Variants in PTPRM observed in about 807,000 individuals in gnomAD.
PTPRM encodes the protein receptor-type tyrosine-protein phosphatase mu.
PTPRM carries 47 observed loss-of-function variants against 186.7 expected under a neutral mutation model. The ratio of observed to expected loss-of-function variants is 0.25; its 90% CI spans 0.20 to 0.32. The LOEUF is 0.32. PTPRM is among the 10% of genes least tolerant of loss of function. The pLI, the probability that PTPRM is intolerant of heterozygous loss-of-function variation, is 1.00. For missense variants in PTPRM, 1,494 were observed against 1,865.0 expected (o/e 0.80, Z 3.66); for synonymous variants, 668 against 674.9 (o/e 0.99, Z 0.16).
chr18:8,345,978 G>A (rs905641254), intron 23 of PTPRM, among the ~76,000 whole-genome samples: 1 of 152,170 alleles, frequency 6.6e-6, no homozygotes, highest in Non-Finnish European at 1.5e-5. Context: ...GACCAGACAA[G>A]GGGGGAGGTA....
intron 4 of PTPRM, among the ~76,000 whole-genome samples, chr18:7,924,474 A>G (rs138540473): frequency 0.013 from 1,983 of 152,206 alleles, 19 homozygotes; most frequent in South Asian, 0.033. Context: ...CATGTTGGGG[A>G]CTTGTGGTGT....
chr18:8,342,655 C>T (rs1431293444), intron 22 of PTPRM, among the ~76,000 whole-genome samples: 1 of 152,174 alleles, frequency 6.6e-6, no homozygotes, highest in Non-Finnish European at 1.5e-5. Context: ...CATTTATACC[C>T]TCAAGTATGC....
rs773622886 is a variant in PTPRM at position 8,244,047 on chromosome 18, T to C, written c.2301-11T>C. The C allele has an allele frequency of 6.2e-7, 1 of 1,606,266 alleles. No individual in the cohort carries two copies. The highest frequency in any genetic ancestry group is 1.1e-5 in the South Asian group (1 of 89,106). On this transcript the variant is annotated splice_polypyrimidine_tract_variant and intron_variant, in intron 14 of 32. Transcript: ENST00000580170. Reference sequence around the variant, plus strand: ...AATGCATGCCTACATAATTGAATTCTTTATCCTAAGGAAACTGGCCAAGAA... The same window carrying C: ...AATGCATGCCTACATAATTGAATTCCTTATCCTAAGGAAACTGGCCAAGAA...
chr18:8,388,021 TG>T (rs1374099370), intron 31 of PTPRM, among the ~76,000 whole-genome samples: 1 of 151,216 alleles, frequency 6.6e-6, no homozygotes, highest in Non-Finnish European at 1.5e-5. Flanking sequence ...GGCCCAGACA[TG>T]GGTGTTTTTT....
chr18:7,604,390 C>T (rs2037479721), intron 1 of PTPRM, among the ~76,000 whole-genome samples: 1 of 152,228 alleles, frequency 6.6e-6, no homozygotes, highest in African/African-American at 2.4e-5. Flanking sequence ...ACAACGAAAA[C>T]TTGATTCCTG....
chr18:7,833,669 G>T (rs1303164746), intron 2 of PTPRM, among the ~76,000 whole-genome samples: 1 of 150,536 alleles, frequency 6.6e-6, no homozygotes, highest in Non-Finnish European at 1.5e-5. Flanking sequence ...AGGAGGTGGA[G>T]GTTACAGTGA....
chr18:8,089,630 C>T (rs1280910803), intron 11 of PTPRM, among the ~76,000 whole-genome samples: 5 of 152,124 alleles, frequency 3.3e-5, no homozygotes, highest in Admixed American at 1.3e-4. Flanking sequence ...TCATCTATTA[C>T]TTTGAATAGA....
chr18:7,979,918 T>C (rs2082453296), intron 7 of PTPRM, among the ~76,000 whole-genome samples: 1 of 152,052 alleles, frequency 6.6e-6, no homozygotes, highest in African/African-American at 2.4e-5. Context: ...CCTGGGTTGA[T>C]CCCTCCCAGA....
chr18:8,334,357 G>C (rs963439551), intron 22 of PTPRM, among the ~76,000 whole-genome samples: 2 of 152,168 alleles, frequency 1.3e-5, no homozygotes, highest in African/African-American at 4.8e-5. Flanking sequence ...CAATCCCCTG[G>C]TTCCTGAGCC....
At chr18:8,202,160 C>T (rs2093866965) in intron 14 of PTPRM, among the ~76,000 whole-genome samples, 1 of 152,192 alleles carries the variant, frequency 6.6e-6, no homozygotes, top group Admixed American at 6.5e-5. Flanking sequence ...TTCAGACTCA[C>T]AGAGCTTCCA....
chr18:7,922,057 T>G (rs945304707), intron 4 of PTPRM, among the ~76,000 whole-genome samples: 1 of 152,176 alleles, frequency 6.6e-6, no homozygotes, highest in Non-Finnish European at 1.5e-5. Flanking sequence ...TACCTGTTGA[T>G]TTCCCTTTTT....
chr18:7,916,739 C>T (rs2086028349), intron 4 of PTPRM, among the ~76,000 whole-genome samples: 1 of 152,072 alleles, frequency 6.6e-6, no homozygotes, highest in African/African-American at 2.4e-5. Context: ...ATGATCAAGT[C>T]AGGATTAATT....
intron 1 of PTPRM, among the ~76,000 whole-genome samples, chr18:7,766,824 A>C (rs544259907): frequency 2.0e-5 from 3 of 152,374 alleles, no homozygotes; most frequent in African/African-American, 2.4e-5. Flanking sequence ...AAAAAGATTT[A>C]GAGCTAAGAG....
At chr18:8,118,228 A>G (rs1433741056) in intron 13 of PTPRM, among the ~76,000 whole-genome samples, 2 of 152,224 alleles carry the variant, frequency 1.3e-5, no homozygotes, top group Non-Finnish European at 2.9e-5. Context: ...ATAATATGTT[A>G]GCACCGCATG....
chr18:8,308,669 A>T (rs1385666005), intron 20 of PTPRM, among the ~76,000 whole-genome samples: 4 of 152,204 alleles, frequency 2.6e-5, no homozygotes, highest in Non-Finnish European at 5.9e-5. Flanking sequence ...TGGCTAACAG[A>T]TACCCTATTA....
At chr18:8,392,006 T>C (rs1276746482) in intron 31 of PTPRM, among the ~76,000 whole-genome samples, 1 of 152,182 alleles carries the variant, frequency 6.6e-6, no homozygotes, top group Non-Finnish European at 1.5e-5. Flanking sequence ...GAGAAAAATC[T>C]AGGATGTGGG....
At chr18:7,892,308 T>A (rs1042256585) in intron 3 of PTPRM, among the ~76,000 whole-genome samples, 1 of 152,218 alleles carries the variant, frequency 6.6e-6, no homozygotes, top group African/African-American at 2.4e-5. Flanking sequence ...TTGCCTTTTA[T>A]GTCCCTACCT....
intron 1 of PTPRM, among the ~76,000 whole-genome samples, chr18:7,649,210 C>G (rs980852082): frequency 3.9e-5 from 6 of 152,154 alleles, no homozygotes; most frequent in African/African-American, 1.4e-4. Flanking sequence ...ATCTACTACT[C>G]AGACAAAAAG....
At position 8,181,487 on chromosome 18, in the gene PTPRM, G is replaced by A. The variant is rs573672181; in HGVS notation, c.2300+37708G>A. ...AGCCTGTGTTCCTCTGGAAGTAGAC[G>A]AGCTATCCATCCTGAGACTGAGGGG... On this transcript the variant is annotated intron_variant, in intron 14 of 32. Transcript: ENST00000580170. Among the ~76,000 whole-genome samples, 13 of 152,236 alleles carry A rather than the reference G, an allele frequency of 8.5e-5. No homozygotes were observed. In the East Asian group the frequency reaches 1.9e-3, roughly 23 times the overall value.
Sources: gnomAD v4.1 joint callset for allele counts (sites outside exome capture counted in the v4.1 genomes callset) on GRCh38, gnomAD v4.1.1 for gene constraint, MANE v1.5 for transcripts, NCBI Gene and HGNC (gene_info 2026-07-23, HGNC 2026-07-21) for gene names.